Variants in ANKAR observed in about 807,000 individuals in gnomAD.
ANKAR encodes ankyrin and armadillo repeat containing, also known as ankyrin and armadillo repeat-containing protein.
ANKAR carries 136 observed loss-of-function variants against 146.2 expected under a neutral mutation model. That is an observed-to-expected ratio of 0.93 (90% CI 0.81 to 1.07). The LOEUF (loss-of-function observed/expected upper bound fraction) is 1.07. ANKAR is among the 50% of genes least tolerant of loss of function. ANKAR has a pLI of 0.00. For synonymous variants in ANKAR, 500 were observed against 575.8 expected, an observed-to-expected ratio of 0.87 and a Z score of 1.88; for missense variants, 1,567 against 1,679.9, an observed-to-expected ratio of 0.93 and a Z score of 1.18.
chr2:189,727,536 A>AG (rs1268258194), intron 12 of ANKAR, among the ~76,000 whole-genome samples: 3 of 150,904 alleles, frequency 2.0e-5, no homozygotes, highest in Non-Finnish European at 4.4e-5. Flanking sequence ...AAAAAAAAAA[A>AG]AAAAAAAAAA....
intron 18 of ANKAR, among the ~76,000 whole-genome samples, chr2:189,758,816 A>G (rs1355012669): frequency 2.0e-5 from 3 of 152,236 alleles, no homozygotes; most frequent in African/African-American, 7.2e-5. Flanking sequence ...ATAAATTGTG[A>G]AAGTATTACA....
At chr2:189,706,686 T>G (rs1189334726) in intron 8 of ANKAR, among the ~76,000 whole-genome samples, 1 of 152,180 alleles carries the variant, frequency 6.6e-6, no homozygotes, top group Non-Finnish European at 1.5e-5. Context: ...GTAAGAACTT[T>G]GTGCGTTATC....
At chr2:189,739,719 A>G (rs187085299) in intron 19 of ANKAR, among the ~76,000 whole-genome samples, 1 of 152,032 alleles carries the variant, frequency 6.6e-6, no homozygotes, top group East Asian at 1.9e-4. Flanking sequence ...ATGCACCACC[A>G]AGGCCAGCTA....
intron 18 of ANKAR, among the ~76,000 whole-genome samples, chr2:189,759,903 C>T (rs547777264): frequency 5.9e-4 from 90 of 152,076 alleles, no homozygotes; most frequent in Admixed American, 3.7e-3. Flanking sequence ...GAGGACTCTG[C>T]GGCCTTCTGC....
At chr2:189,728,140 T>C (rs754116501) in intron 13 of ANKAR, 43 bp downstream of exon 13, 2 of 1,550,188 alleles carry the variant, frequency 1.3e-6, no homozygotes, top group South Asian at 2.5e-5. Flanking sequence ...TAGATGATGT[T>C]TTCTATTTTG....
intron 7 of ANKAR, among the ~76,000 whole-genome samples, chr2:189,702,544 G>T (rs948773404): frequency 6.6e-6 from 1 of 152,146 alleles, no homozygotes; most frequent in Non-Finnish European, 1.5e-5. Flanking sequence ...GAGGGTATCA[G>T]TTTGCCCATT....
At chr2:189,699,812 G>A (rs114572598) in intron 7 of ANKAR, among the ~76,000 whole-genome samples, 1 of 151,348 alleles carries the variant, frequency 6.6e-6, no homozygotes, top group Admixed American at 6.6e-5. Flanking sequence ...GATTACAGAT[G>A]TGCACCACTA....
At chr2:189,688,685 C>T (rs1367835325) in intron 2 of ANKAR, among the ~76,000 whole-genome samples, 2 of 152,154 alleles carry the variant, frequency 1.3e-5, no homozygotes, top group African/African-American at 2.4e-5. Flanking sequence ...GGAAGAGCTA[C>T]GAACATTCAT....
At chr2:189,715,270 C>T (rs1284047902) in intron 10 of ANKAR, among the ~76,000 whole-genome samples, 1 of 152,022 alleles carries the variant, frequency 6.6e-6, no homozygotes, top group Non-Finnish European at 1.5e-5. Flanking sequence ...ACTACCAACC[C>T]CACAGAAATA....
At chr2:189,758,044 G>A (rs1396709659) in intron 18 of ANKAR, among the ~76,000 whole-genome samples, 2 of 152,148 alleles carry the variant, frequency 1.3e-5, no homozygotes, top group Non-Finnish European at 2.9e-5. Context: ...TTTTCCCCTT[G>A]GTACTGTGTC....
intron 5 of ANKAR, among the ~76,000 whole-genome samples, chr2:189,693,430 TA>T (rs1378686443): frequency 6.6e-6 from 1 of 152,196 alleles, no homozygotes; most frequent in Non-Finnish European, 1.5e-5. Context: ...AGTGGTTAAA[TA>T]GGGGTAGAGA....
intron 10 of ANKAR, among the ~76,000 whole-genome samples, chr2:189,718,378 A>G (rs951557676): frequency 3.8e-4 from 58 of 151,864 alleles, no homozygotes; most frequent in African/African-American, 7.2e-4. Context: ...ACACACACAC[A>G]CACACACACA....
At chr2:189,736,502 T>TTTTTTTTTTTTTTTTTGTGTG (rs1422561376) in intron 17 of ANKAR, among the ~76,000 whole-genome samples, 1 of 141,986 alleles carries the variant, frequency 7.0e-6, no homozygotes, top group Non-Finnish European at 1.5e-5. Context: ...TGACTGGGTT[T>TTTTTTTTTTTTTTTTTGTGTG]TGTGTGTGTG....
chr2:189,706,658 T>C (rs2038994325), intron 8 of ANKAR, among the ~76,000 whole-genome samples: 1 of 152,148 alleles, frequency 6.6e-6, no homozygotes, highest in African/African-American at 2.4e-5. Flanking sequence ...TTGTAAGGCT[T>C]AGATAGGATA....
chr2:189,751,241 A>G (rs564629528), downstream of ANKAR, among the ~76,000 whole-genome samples: 1 of 152,236 alleles, frequency 6.6e-6, no homozygotes, highest in South Asian at 2.1e-4. Context: ...CTGAATCCCA[A>G]CCTGGAAAAA....
intron 21 of ANKAR, among the ~76,000 whole-genome samples, chr2:189,743,729 A>G (rs2043678986): frequency 6.6e-6 from 1 of 152,186 alleles, no homozygotes; most frequent in Admixed American, 6.5e-5. Flanking sequence ...ACATTTTAGA[A>G]AGTTTTGGGG....
chr2:189,677,116 ATTTTTTTTT>A lies in ANKAR; in HGVS notation c.601+35_601+43del, dbSNP rs61285192. 2.9e-5 allele frequency: 37 copies of A among 1,281,466 alleles called. No homozygotes were observed. The South Asian group carries it at 5.7e-4, about 20-fold the overall frequency. 79.4% of individuals were successfully genotyped at this position (1,281,466 alleles called of 1,614,324 possible). On this transcript the variant is annotated intron_variant, in intron 2 of 22. Transcript: ENST00000684021. ...GGTAAGAGAATTTAACACTTCTTAA[ATTTTTTTTT>A]TTTTTTTTTGGAACAGAGTCTTACT...
chr2:189,746,331 C>G (rs767645070), intron 22 of ANKAR, 49 bp from the exon 23 acceptor site: 5 of 1,533,688 alleles, frequency 3.3e-6, no homozygotes, highest in Non-Finnish European at 3.5e-6. Context: ...AGTAATGAGA[C>G]TATACCTAGG....
At chr2:189,705,912 A>T (rs2038867638) in intron 8 of ANKAR, among the ~76,000 whole-genome samples, 1 of 151,972 alleles carries the variant, frequency 6.6e-6, no homozygotes, top group Non-Finnish European at 1.5e-5. Flanking sequence ...GCATAGTTTC[A>T]TTCAAGTTTT....
Sources: allele counts gnomAD v4.1 joint callset (sites outside exome capture counted in the v4.1 genomes callset), GRCh38; gene constraint gnomAD v4.1.1; transcripts MANE v1.5; gene names NCBI Gene and HGNC (gene_info 2026-07-23, HGNC 2026-07-21).